SLFN13: variants seen among roughly 807,000 people sequenced by gnomAD.
SLFN13 encodes the protein schlafen family member 13, also known as schlafen-13.
SLFN13 carries 43 observed loss-of-function variants against 50.6 expected under a neutral mutation model. The observed-to-expected ratio is 0.85, with a 90% CI of 0.67 to 1.09. The LOEUF (loss-of-function observed/expected upper bound fraction) is 1.09. Ranked by LOEUF, SLFN13 falls within the 50% of genes least tolerant of loss-of-function variation. The probability of loss-of-function intolerance (pLI) is 0.00; values close to 1 mark genes in which losing one functional copy is unlikely to be tolerated. For synonymous variants in SLFN13, 339 were observed against 386.5 expected (o/e 0.88, Z 1.44); for missense variants, 881 against 1,071.1 (o/e 0.82, Z 2.48).
rs115182021 is a variant in SLFN13, at chr17:35,440,852, C to T, written c.2437G>A (p.Val813Ile). The T allele has an allele frequency of 1.1e-5, 17 of 1,614,152 alleles. No homozygotes were observed. The East Asian group carries it at 3.1e-4, about 30-fold the overall frequency. Residue 813 changes from valine to isoleucine, a missense_variant, in exon 6 of 6, where the codon GTC becomes ATC. Transcript: ENST00000285013. ...GYSPKDVAVLVSTVTEVEQYQ... is the reference protein window; with the variant it reads ...GYSPKDVAVLISTVTEVEQYQ... ...TGCTCCACTTCTGTCACGGTGCTGA[C>T]AAGCACAGCAACATCCTTTGGAGAA... is the stretch of plus-strand genomic sequence containing the variant.
At position 35,440,960 on chromosome 17, in the gene SLFN13, T is replaced by C. The variant is rs773504324; in HGVS notation, c.2329A>G (p.Thr777Ala). 6.8e-6 allele frequency: 11 copies of C among 1,613,340 alleles called. No homozygotes were observed. The South Asian group carries it at 1.1e-4, about 16-fold the overall frequency. ...AKWVPGVPGNTKIIKNFTLEQ... is the reference protein window; with the variant it reads ...AKWVPGVPGNAKIIKNFTLEQ... ...AAAGTAAAGTTTTTAATAATCTTTG[T>C]GTTGCCTGGAACACCTGGAACCCAT... The change falls in exon 6 of 6, where the codon ACA (threonine) becomes GCA (alanine). Residue 777 changes from threonine to alanine, a missense_variant. Coordinates refer to ENST00000285013, the MANE Select transcript of SLFN13 (RefSeq NM_144682.6).
At position 35,441,744 on chromosome 17, in the gene SLFN13, G is replaced by C; in HGVS notation, c.1741C>G (p.Gln581Glu). 2 of 1,544,696 alleles carry C rather than the reference G, an allele frequency of 1.3e-6. No homozygotes were observed. Among genetic ancestry groups the C allele is most frequent in the Non-Finnish European group, 1.8e-6 (2 of 1,140,034 alleles). The change falls in exon 5 of 6, where the codon CAG (glutamine) becomes GAG (glutamate). Residue 581 changes from glutamine (Q) to glutamate (E), a missense_variant. Physicochemically the swap from Gln to Glu is conservative, Grantham distance 29 (BLOSUM62 2). Transcript: ENST00000285013. ...AGGCTTCTGGAGAATATCTCATACT[G>C]CTGGGCTGTGAGCAGATTTAAAACC... ...CEVLNLLTAQ[Q>E]YEIFSRSLRK...
chr17:35,441,095 G>C lies in SLFN13; in HGVS notation c.2194C>G (p.Arg732Gly), dbSNP rs766043551. 1.9e-6 allele frequency: 3 copies of C among 1,613,976 alleles called. No individual in the cohort carries two copies. In the South Asian group the frequency reaches 3.3e-5, roughly 18 times the overall value. ...YPREELTRVVRNADEIAEYIQ... is the reference protein window; with the variant it reads ...YPREELTRVVGNADEIAEYIQ... ...TACTCGGCTATTTCATCTGCATTGC[G>C]AACTACTCTGGTGAGCTCTTCTCTT... The change falls in exon 6 of 6, where the codon CGC becomes GGC. Residue 732 changes from arginine (R) to glycine (G), a missense_variant. Arg to Gly is a moderately radical substitution (Grantham distance 125). Coordinates refer to ENST00000285013, the MANE Select transcript of SLFN13 (RefSeq NM_144682.6).
At position 35,444,640 on chromosome 17, in the gene SLFN13, T is replaced by C; in HGVS notation, c.1041A>G (p.Val347=). The C allele has an allele frequency of 6.2e-7, 1 of 1,614,152 alleles. No individual in the cohort carries two copies. The highest frequency in any genetic ancestry group is 8.5e-7 in the Non-Finnish European group (1 of 1,179,978). ...CTGGATCTGCGTCCATCATTTTCTC[T>C]ACCCATTCCTCAGTTGTCAAGGGGC... is the stretch of plus-strand genomic sequence containing the variant. ...YIRPLTTEEW[V]EKMMDADPEF... is the part of the protein sequence containing the mutation. The change falls in exon 3 of 6, where the codon GTA becomes GTG. Residue 347 remains valine (V), a synonymous_variant. Coordinates refer to ENST00000285013, the MANE Select transcript of SLFN13 (RefSeq NM_144682.6).
In SLFN13 at chr17:35,445,450, C is replaced by A. The variant is rs773460756; in HGVS notation, c.231G>T (p.Leu77=). The change falls in exon 3 of 6, where the codon CTG becomes CTT. Residue 77 remains leucine, a synonymous_variant. Transcript: ENST00000285013. ...NRDERPTEMG[L]DLEESLRKLI... ...GCTTTCTCAAGGATTCTTCTAAATC[C>A]AGTCCCATCTCTGTGGGACGCTCAT... 1 of 1,614,206 alleles carries A rather than the reference C, an allele frequency of 6.2e-7. No individual in the cohort carries two copies. The highest frequency in any genetic ancestry group is 8.5e-7 in the Non-Finnish European group (1 of 1,180,028).
chr17:35,441,609 T>G lies in SLFN13; in HGVS notation c.1876A>C (p.Arg626=), dbSNP rs1912898848. 1 of 1,589,982 alleles carries G rather than the reference T, an allele frequency of 6.3e-7. No homozygotes were observed. Among genetic ancestry groups the G allele is most frequent in the African/African-American group, 1.4e-5 (1 of 72,324 alleles). The change falls in exon 5 of 6, where the codon AGA becomes CGA. Residue 626 remains arginine, a synonymous_variant. Coordinates refer to ENST00000285013, the MANE Select transcript of SLFN13 (RefSeq NM_144682.6). The part of the protein sequence containing the change: ...IRNVFHCEAH[R]ILYVCENQPL... ...TGGTTTTCACAAACGTAGAGAATTC[T>G]GTGTGCCTCACAGTGAAACACATTC...
chr17:35,443,549 T>G (rs1460968837), intron 4 of SLFN13, among the ~76,000 whole-genome samples: 2 of 152,188 alleles, frequency 1.3e-5, no homozygotes, highest in African/African-American at 2.4e-5. Flanking sequence ...AAGTTCTTGG[T>G]GTGGGCCTGG....
rs146215574 is a variant in SLFN13 at position 35,446,487 on chromosome 17, A to G, written c.-14+781T>C. Among the ~76,000 whole-genome samples, 1,278 of 152,324 alleles carry G rather than the reference A, an allele frequency of 8.4e-3. 9 individuals carry two copies. The highest frequency in any genetic ancestry group is 0.017 in the Middle Eastern group (5 of 294). ...TCCAGTTCTGCCATTTAGTACTGTT[A>G]TATTAGTCTAGATATTTACTCTTTC... is the stretch of plus-strand genomic sequence containing the variant. On this transcript the variant is annotated intron_variant, in intron 2 of 5. Transcript: ENST00000285013.
Position 35,441,342 on chromosome 17 carries a change from C to A in SLFN13, c.1947G>T (p.Glu649Asp). ...FISDRNICRA[E>D]TRETFLREKF... ...TTTCTCTTAGGAAAGTTTCCCGGGT[C>A]TCTGCTCGGCAGATATTTCTATCAC... Residue 649 changes from glutamate to aspartate, a missense_variant, in exon 6 of 6, where the codon GAG becomes GAT. Physicochemically the swap from Glu to Asp is conservative, Grantham distance 45 (BLOSUM62 2). Transcript: ENST00000285013. The A allele has an allele frequency of 6.2e-7, 1 of 1,607,310 alleles. No individual in the cohort carries two copies. The highest frequency in any genetic ancestry group is 8.5e-7 in the Non-Finnish European group (1 of 1,177,900).
Position 35,438,928 on chromosome 17 carries a change from G to A in SLFN13, c.*1667C>T, listed in dbSNP as rs1291510701. 7 of 152,090 alleles carry A rather than the reference G, an allele frequency of 4.6e-5. No individual in the cohort carries two copies. Among genetic ancestry groups the A allele is most frequent in the Non-Finnish European group, 8.8e-5 (6 of 67,986 alleles). 9.4% of individuals were successfully genotyped at this position (152,090 alleles called of 1,614,324 possible). ...TAAGTATCAGTGTTTTTAGTTTGAT[G>A]AATGATCATACAGCTGTGTTCTCAG... On this transcript the variant is annotated 3_prime_UTR_variant, in exon 6 of 6. Transcript: ENST00000285013.
intron 4 of SLFN13, among the ~76,000 whole-genome samples, chr17:35,442,548 A>G (rs1912975127): frequency 6.6e-6 from 1 of 152,140 alleles, no homozygotes; most frequent in Admixed American, 6.5e-5. Context: ...GGTTCAGGCC[A>G]TTCTCCTGCC....
chr17:35,442,723 A>C (rs989519206), intron 4 of SLFN13, among the ~76,000 whole-genome samples: 1 of 152,150 alleles, frequency 6.6e-6, no homozygotes, highest in Non-Finnish European at 1.5e-5. Context: ...GATTACAGGC[A>C]TGAGCCACCA....
At chr17:35,441,492 G>A in intron 5 of SLFN13, 71 bp downstream of exon 5, 1 of 1,605,418 alleles carries the variant, frequency 6.2e-7, no homozygotes, top group Non-Finnish European at 8.5e-7. Context: ...TCTCAAGGAA[G>A]AAGGTGACTT....
Position 35,440,722 on chromosome 17 carries a change from C to A in SLFN13, c.2567G>T (p.Arg856Leu), listed in dbSNP as rs758129555. The change falls in exon 6 of 6, where the codon CGA (arginine) becomes CTA (leucine). Residue 856 changes from arginine (R) to leucine (L), a missense_variant. Physicochemically the swap from Arg to Leu is moderately radical, Grantham distance 102. This residue lies in a region of SLFN13 where 322 missense variants were observed against 327.4 expected (regional missense o/e 0.98). Transcript: ENST00000285013. ...TATGCTCCTTTCCAGGCCTGAGAAT[C>A]GCCGGACACTGTCCAACACAATGTG... ...GVHIVLDSVR[R>L]FSGLERSIVF... 1.9e-6 allele frequency: 3 copies of A among 1,613,978 alleles called. No homozygotes were observed. In the Admixed American group the frequency reaches 5.0e-5, roughly 27 times the overall value.
rs1350361312 is a variant in SLFN13, at chr17:35,439,104, G to C, written c.*1491C>G. On this transcript the variant is annotated 3_prime_UTR_variant, in exon 6 of 6. Coordinates refer to ENST00000285013, the MANE Select transcript of SLFN13 (RefSeq NM_144682.6). The stretch of plus-strand genomic sequence containing the variant: ...TTCTCCTCTTGGCTTGTAGGTGGCT[G>C]CCATCTCTCTGTGTGCTCCCATGCC... The C allele has an allele frequency of 6.6e-6, 1 of 151,988 alleles. No individual in the cohort carries two copies. The highest frequency in any genetic ancestry group is 1.5e-5 in the Non-Finnish European group (1 of 68,044). The allele number at this position is 151,988 out of a possible 1,614,324, so 9.4% of individuals were successfully genotyped here. A position where few individuals can be genotyped will look rare whatever the true frequency, so the allele number is the denominator to read the frequency against.
rs1912702177 is a variant in SLFN13, at chr17:35,438,516, G to A, written c.*2079C>T. The A allele has an allele frequency of 6.6e-6, 1 of 152,112 alleles. No homozygotes were observed. The highest frequency in any genetic ancestry group is 1.5e-5 in the Non-Finnish European group (1 of 68,040). 9.4% of individuals were successfully genotyped at this position (152,112 alleles called of 1,614,324 possible). ...AAGGCTGAAATAACTCCAAAGACCAGGGAGTTTACTAAGAACATTTACAAA... is the reference window on the plus strand; with the variant it reads ...AAGGCTGAAATAACTCCAAAGACCAAGGAGTTTACTAAGAACATTTACAAA... On this transcript the variant is annotated 3_prime_UTR_variant, in exon 6 of 6. Coordinates refer to ENST00000285013, the MANE Select transcript of SLFN13 (RefSeq NM_144682.6).
At position 35,440,532 on chromosome 17, in the gene SLFN13, G is replaced by T. The variant is rs894716597; in HGVS notation, c.*63C>A. 2.3e-4 allele frequency: 357 copies of T among 1,556,712 alleles called. No homozygotes were observed. Among genetic ancestry groups the T allele is most frequent in the Non-Finnish European group, 3.0e-4 (340 of 1,139,742 alleles). ...CTAAAAAGAAAGGTTTCTACCATCA[G>T]CAGACTGTCACCCATAGACATTTAC... is the stretch of plus-strand genomic sequence containing the variant. On this transcript the variant is annotated 3_prime_UTR_variant, in exon 6 of 6. Transcript: ENST00000285013.
chr17:35,448,034 T>C (rs1345659952), intron 1 of SLFN13, among the ~76,000 whole-genome samples: 3 of 146,768 alleles, frequency 2.0e-5, no homozygotes, highest in Non-Finnish European at 4.5e-5. Context: ...TTTATTAATA[T>C]TAGTATTATA....
intron 4 of SLFN13, among the ~76,000 whole-genome samples, chr17:35,443,309 T>C (rs960702950): frequency 6.6e-6 from 1 of 152,210 alleles, no homozygotes; most frequent in East Asian, 1.9e-4. Context: ...GAGAAATTAT[T>C]TGTGGTTTTT....
Sources: allele counts gnomAD v4.1 joint callset (sites outside exome capture counted in the v4.1 genomes callset), GRCh38; gene constraint gnomAD v4.1.1; regional missense constraint gnomAD v4.1.1; transcripts MANE v1.5; gene names NCBI Gene and HGNC (gene_info 2026-07-23, HGNC 2026-07-21).